The following PDLIM7 variants were observed in gnomAD, a reference collection of about 807,000 sequenced individuals.
PDLIM7 encodes the protein PDZ and LIM domain 7, also known as PDZ and LIM domain protein 7.
PDLIM7 carries 37 observed loss-of-function variants against 53.9 expected under a neutral mutation model. That is an observed-to-expected ratio of 0.69 (90% CI 0.53 to 0.90). PDLIM7 has a LOEUF of 0.90. Among genes scored for constraint, PDLIM7 ranks in the 40% least tolerant of loss-of-function variants. PDLIM7 has a pLI of 0.00. For missense variants in PDLIM7, 617 were observed against 638.5 expected, an observed-to-expected ratio of 0.97 and a Z score of 0.36; for synonymous variants, 300 against 261.3, an observed-to-expected ratio of 1.15 and a Z score of -1.43.
chr5:177,489,822 T>C lies in PDLIM7; in HGVS notation c.583A>G (p.Arg195Gly), dbSNP rs2127412299. ...EHLKKSSQVP[R>G]TEAPAPASST... is the part of the protein sequence containing the mutation. ...GAGGCTGGGGCTGGGGCTTCTGTCC[T>C]GGGCACCTGGCTGCAAGATCTGCCA... Residue 195 changes from arginine (R) to glycine (G), a missense_variant, in exon 8 of 13, where the codon AGG becomes GGG. Arg to Gly is a moderately radical substitution (Grantham distance 125). Transcript: ENST00000355841. The C allele has an allele frequency of 6.3e-7, 1 of 1,584,646 alleles. No homozygotes were observed. The highest frequency in any genetic ancestry group is 8.6e-7 in the Non-Finnish European group (1 of 1,167,126).
At position 177,490,720 on chromosome 5, in the gene PDLIM7, AGG is replaced by A; in HGVS notation, c.572+148_572+149del. ...AAGGAAGGAAGGAGGAAGGGAAGGA[AGG>A]AAGGAAGGAAGGAAGGAAGGAAGGA... On this transcript the variant is annotated intron_variant, in intron 7 of 12. Transcript: ENST00000355841. 3 of 166,570 alleles carry A rather than the reference AGG, an allele frequency of 1.8e-5. No homozygotes were observed. The South Asian group carries it at 2.0e-4, about 11-fold the overall frequency. The allele number at this position is 166,570 out of a possible 1,614,324, so 10.3% of individuals were successfully genotyped here. A position where few individuals can be genotyped will look rare whatever the true frequency, so the allele number is the denominator to read the frequency against.
chr5:177,489,974 G>A lies in PDLIM7; in HGVS notation c.573-142C>T, dbSNP rs1454258462. On this transcript the variant is annotated intron_variant, in intron 7 of 12. Transcript: ENST00000355841. The stretch of plus-strand genomic sequence containing the variant: ...TTGGATTCCAGGTCCCACTGGGGTA[G>A]GGATGGGAAGGGCAGCTTCTCCTAG... The A allele has an allele frequency of 2.0e-6, 3 of 1,535,798 alleles. No homozygotes were observed. The South Asian group carries it at 3.6e-5, about 18-fold the overall frequency.
chr5:177,495,652 G>C (rs1490799239), intron 2 of PDLIM7, among the ~76,000 whole-genome samples: 1 of 152,200 alleles, frequency 6.6e-6, no homozygotes, highest in Non-Finnish European at 1.5e-5. Flanking sequence ...GCAGACCGCA[G>C]CCACTGTTGG....
chr5:177,490,986 C>T (rs1469336281), intron 6 of PDLIM7, 24 bp downstream of exon 6: 3 of 1,613,786 alleles, frequency 1.9e-6, no homozygotes, highest in Middle Eastern at 1.7e-4. Flanking sequence ...AGGAAAGTAC[C>T]CCCTGCCCTG....
intron 2 of PDLIM7, among the ~76,000 whole-genome samples, chr5:177,493,394 T>G (rs886104765): frequency 7.2e-5 from 11 of 151,984 alleles, no homozygotes; most frequent in Admixed American, 7.2e-4. Flanking sequence ...GAGCTGGGAG[T>G]CCCTGGTTCC....
rs149982699 is a variant in PDLIM7 at position 177,492,639 on chromosome 5, G to T, written c.135C>A (p.Ala45=). 9.3e-6 allele frequency: 15 copies of T among 1,608,756 alleles called. No homozygotes were observed. The South Asian group carries it at 1.5e-4, about 16-fold the overall frequency. The change falls in exon 3 of 13, where the codon GCC becomes GCA. Residue 45 remains alanine (A), a synonymous_variant. Coordinates refer to ENST00000355841, the MANE Select transcript of PDLIM7 (RefSeq NM_005451.5). ...CGATGCTCAGCACCCAGTCACCCACGGCCACTCCGGCCTGCGCCGCTTTGC... is the reference window on the plus strand; with the variant it reads ...CGATGCTCAGCACCCAGTCACCCACTGCCACTCCGGCCTGCGCCGCTTTGC... The part of the protein sequence containing the change: ...PGGKAAQAGV[A]VGDWVLSIDG...
rs538442694 is a variant in PDLIM7, at chr5:177,492,493, C to T, written c.248+33G>A. 17 of 1,613,508 alleles carry T rather than the reference C, an allele frequency of 1.1e-5. No homozygotes were observed. The Admixed American group carries it at 1.5e-4, about 14-fold the overall frequency. On this transcript the variant is annotated intron_variant, in intron 3 of 12. Transcript: ENST00000355841. ...GGCCCGCAGGGATCCCCACTGCCAG[C>T]GCGGGCGCACCCATCCATGTCCACC...
At chr5:177,497,007 A>AGGGGGAGGGG (rs1561708081) in intron 1 of PDLIM7, 1 of 41,472 alleles carries the variant, frequency 2.4e-5, no homozygotes, top group Non-Finnish European at 5.2e-5. Context: ...TTGGGACGCG[A>AGGGGGAGGGG]GGGGGGGGGG....
In PDLIM7 at chr5:177,491,475, G is replaced by C. The variant is rs550542884; in HGVS notation, c.399-329C>G. 6 of 1,409,222 alleles carry C rather than the reference G, an allele frequency of 4.3e-6. No homozygotes were observed. The African/African-American group carries it at 8.5e-5, about 20-fold the overall frequency. The allele number at this position is 1,409,222 out of a possible 1,614,324, so 87.3% of individuals were successfully genotyped here. ...TAAAGGGACAAAGGGACAGACACAG[G>C]AGAGGAAGAAAGACGGGGAGGGGTC... On this transcript the variant is annotated intron_variant, in intron 5 of 12. Coordinates refer to ENST00000355841, the MANE Select transcript of PDLIM7 (RefSeq NM_005451.5).
rs1249872169 is a variant in PDLIM7, at chr5:177,489,393, C to T, written c.869G>A (p.Arg290Gln). The T allele has an allele frequency of 3.2e-6, 5 of 1,566,698 alleles. No homozygotes were observed. Among genetic ancestry groups the T allele is most frequent in the Admixed American group, 1.8e-5 (1 of 54,386 alleles). Residue 290 changes from arginine to glutamine, a missense_variant and splice_region_variant, in exon 9 of 13, where the codon CGG becomes CAG. Coordinates refer to ENST00000355841, the MANE Select transcript of PDLIM7 (RefSeq NM_005451.5). ...PVCHQCHKVIRGRYLVALGHA... is the reference protein window; with the variant it reads ...PVCHQCHKVIQGRYLVALGHA... The stretch of plus-strand genomic sequence containing the variant: ...GGTCGGACAGGAACAGGCCACCCAC[C>T]GGATGACCTTGTGGCACTGGTGACA...
intron 2 of PDLIM7, 133 bp from the exon 3 acceptor site, chr5:177,492,810 T>A: frequency 1.0e-6 from 1 of 1,001,354 alleles, no homozygotes; most frequent in Non-Finnish European, 1.5e-6. Context: ...AACATAGTTC[T>A]AGGCAGCTGC....
chr5:177,485,455 G>A (rs1758392691), intron 10 of PDLIM7, among the ~76,000 whole-genome samples: 1 of 152,214 alleles, frequency 6.6e-6, no homozygotes, highest in Non-Finnish European at 1.5e-5. Context: ...GTGTGGGTCT[G>A]GCCAGACCTT....
chr5:177,496,165 A>T (rs965353586), intron 2 of PDLIM7, among the ~76,000 whole-genome samples: 5 of 152,302 alleles, frequency 3.3e-5, no homozygotes, highest in Middle Eastern at 3.4e-3. Context: ...TCCAGCCCTC[A>T]GAGGTGGCCA....
At chr5:177,490,436 C>A in intron 7 of PDLIM7, 14 of 1,528,630 alleles carry the variant, frequency 9.2e-6, no homozygotes, top group Non-Finnish European at 1.2e-5. Context: ...TAAGGGGGTG[C>A]CCTGGGCAGG....
Position 177,492,522 on chromosome 5 carries a change from AT to A in PDLIM7, c.248+3del. On this transcript the variant is annotated splice_donor_region_variant and intron_variant, in intron 3 of 12. Transcript: ENST00000355841. ...GGCGCACCCATCCATGTCCACCCGC[AT>A]ACCTGCTGAGGCCCAGGCTGAGGCG... 6.2e-7 allele frequency: 1 copy of A among 1,613,748 alleles called. No homozygotes were observed. Among genetic ancestry groups the A allele is most frequent in the Non-Finnish European group, 8.5e-7 (1 of 1,179,776 alleles).
rs1758814832 is a variant in PDLIM7 at position 177,491,934 on chromosome 5, A to AG, written c.280-10dup. The stretch of plus-strand genomic sequence containing the variant: ...GCGGCGGGGGCGGAGGCCTGGGCAG[A>AG]GACACAGCCGGGCAGGGCGGGCGGG... On this transcript the variant is annotated splice_polypyrimidine_tract_variant and intron_variant, in intron 4 of 12. Coordinates refer to ENST00000355841, the MANE Select transcript of PDLIM7 (RefSeq NM_005451.5). The AG allele has an allele frequency of 2.0e-6, 1 of 490,666 alleles. No individual in the cohort carries two copies. Among genetic ancestry groups the AG allele is most frequent in the East Asian group, 9.2e-5 (1 of 10,842 alleles). The allele number at this position is 490,666 out of a possible 1,614,324, so 30.4% of individuals were successfully genotyped here.
In PDLIM7 at chr5:177,491,884, T is replaced by C; in HGVS notation, c.321A>G (p.Ala107=). The C allele has an allele frequency of 8.0e-7, 1 of 1,247,448 alleles. No individual in the cohort carries two copies. Among genetic ancestry groups the C allele is most frequent in the Non-Finnish European group, 1.0e-6 (1 of 994,922 alleles). 77.3% of individuals were successfully genotyped at this position (1,247,448 alleles called of 1,614,324 possible). ...PAADPPRYTF[A]PSVSLNKTAR... is the part of the protein sequence containing the mutation. The stretch of plus-strand genomic sequence containing the variant: ...CCGTCTTGTTGAGGGAGACGCTGGG[T>C]GCAAAGGTGTACCGCGGAGGGTCCG... The change falls in exon 5 of 13, where the codon GCA becomes GCG. Residue 107 remains alanine, a synonymous_variant. Coordinates refer to ENST00000355841, the MANE Select transcript of PDLIM7 (RefSeq NM_005451.5).
chr5:177,494,184 T>C (rs1758946877), intron 2 of PDLIM7, among the ~76,000 whole-genome samples: 1 of 152,190 alleles, frequency 6.6e-6, no homozygotes, highest in East Asian at 1.9e-4. Flanking sequence ...CACTTGCAAA[T>C]GTACACAGAG....
chr5:177,489,284 C>A, intron 9 of PDLIM7, 109 bp downstream of exon 9: 1 of 867,774 alleles, frequency 1.2e-6, no homozygotes, highest in Non-Finnish European at 1.8e-6. Flanking sequence ...CAGCTGAGAA[C>A]TGAATCCTTA....
Sources: allele counts gnomAD v4.1 joint callset (sites outside exome capture counted in the v4.1 genomes callset), GRCh38; gene constraint gnomAD v4.1.1; transcripts MANE v1.5; gene names NCBI Gene and HGNC (gene_info 2026-07-23, HGNC 2026-07-21).